Variants in TCF4 observed in about 807,000 individuals in gnomAD.
TCF4 encodes the protein SL3-3 enhancer factor 2.
Under a neutral mutation model 82.1 loss-of-function variants are expected in TCF4, and 3 were observed. That is an observed-to-expected ratio of 0.04 (90% CI 0.02 to 0.09). The LOEUF is 0.09. TCF4 is among the 10% of genes least tolerant of loss of function. The probability of loss-of-function intolerance (pLI) is 1.00; values close to 1 mark genes in which losing one functional copy is unlikely to be tolerated. For missense variants in TCF4, 518 were observed against 852.7 expected, an observed-to-expected ratio of 0.61 and a Z score of 4.89; for synonymous variants, 276 against 309.6, an observed-to-expected ratio of 0.89 and a Z score of 1.14.
chr18:55,414,941 T>C (rs758636768), intron 5 of TCF4, among the ~76,000 whole-genome samples: 3 of 152,258 alleles, frequency 2.0e-5, no homozygotes, highest in Non-Finnish European at 2.9e-5. Context: ...TATACTCATT[T>C]TCCTTGGCAA....
At chr18:55,571,588 A>T (rs2097468407) in intron 3 of TCF4, among the ~76,000 whole-genome samples, 1 of 152,172 alleles carries the variant, frequency 6.6e-6, no homozygotes, top group African/African-American at 2.4e-5. Flanking sequence ...AAGTATTATA[A>T]GATAAAATAT....
chr18:55,384,156 T>A (rs1211532023), intron 6 of TCF4: 2 of 152,142 alleles, frequency 1.3e-5, no homozygotes. Context: ...AGTCTGAGGG[T>A]TGGCAGGCAG....
chr18:55,453,686 A>G (rs2095672290), intron 5 of TCF4, among the ~76,000 whole-genome samples: 1 of 152,154 alleles, frequency 6.6e-6, no homozygotes, highest in African/African-American at 2.4e-5. Context: ...CGGAAAGGAA[A>G]CAAGACCAAT....
At chr18:55,248,157 T>C (rs530877031) in intron 15 of TCF4, among the ~76,000 whole-genome samples, 6 of 152,314 alleles carry the variant, frequency 3.9e-5, no homozygotes, top group East Asian at 3.9e-4. Context: ...AACTGATAAA[T>C]TGATAAAGAT....
intron 11 of TCF4, chr18:55,268,928 G>A (rs2059765302): frequency 6.6e-6 from 1 of 152,184 alleles, no homozygotes; most frequent in African/African-American, 2.4e-5. Flanking sequence ...TGAGAAGTCT[G>A]AGGTTTTAAT....
At chr18:55,540,018 T>C (rs1208432320) in intron 3 of TCF4, among the ~76,000 whole-genome samples, 1 of 151,824 alleles carries the variant, frequency 6.6e-6, no homozygotes, top group African/African-American at 2.4e-5. Context: ...CTCAGAGAGC[T>C]TATATTCTAG....
chr18:55,353,954 T>C (rs1049186464), intron 6 of TCF4, among the ~76,000 whole-genome samples: 3 of 152,214 alleles, frequency 2.0e-5, no homozygotes, highest in Non-Finnish European at 4.4e-5. Flanking sequence ...TTTAGGTTTT[T>C]CACATTGTGC....
intron 3 of TCF4, chr18:55,550,880 A>C (rs1027969432): frequency 2.0e-5 from 3 of 152,202 alleles, no homozygotes; most frequent in African/African-American, 4.8e-5. Context: ...TTCTGAAAGA[A>C]ATGTCCATTC....
At chr18:55,474,125 C>T (rs2096243429) in intron 3 of TCF4, among the ~76,000 whole-genome samples, 1 of 152,126 alleles carries the variant, frequency 6.6e-6, no homozygotes, top group Non-Finnish European at 1.5e-5. Flanking sequence ...AATCTACCTC[C>T]ACATGTATTT....
At chr18:55,323,634 A>G (rs184029844) in intron 8 of TCF4, among the ~76,000 whole-genome samples, 144 of 152,354 alleles carry the variant, frequency 9.5e-4, no homozygotes, top group African/African-American at 3.3e-3. Context: ...TCATTAGAAC[A>G]GTTAGTTGTC....
chr18:55,596,289 A>G lies in TCF4; in HGVS notation c.287-9153T>C, dbSNP rs182953341. The stretch of plus-strand genomic sequence containing the variant: ...TGGCTGTCACTTAAAGCTATGGCAC[A>G]TGTCACTGAGCTGTAAGCAGAAGCT... On this transcript the variant is annotated intron_variant, in intron 2 of 20. Coordinates refer to the TCF4 transcript ENST00000398339. 1,687 of 298,904 alleles carry G rather than the reference A, an allele frequency of 5.6e-3. 30 individuals are homozygous for G. Among genetic ancestry groups the G allele is most frequent in the African/African-American group, 0.036 (1,557 of 43,254 alleles). 18.5% of individuals were successfully genotyped at this position (298,904 alleles called of 1,614,324 possible).
intron 8 of TCF4, among the ~76,000 whole-genome samples, chr18:55,288,217 A>G (rs895391192): frequency 2.0e-5 from 3 of 152,188 alleles, no homozygotes; most frequent in Admixed American, 6.5e-5. Flanking sequence ...TCCCGCAGCC[A>G]TCCCAGTGAC....
At chr18:55,557,969 C>T (rs1005172797) in intron 3 of TCF4, among the ~76,000 whole-genome samples, 4 of 152,172 alleles carry the variant, frequency 2.6e-5, no homozygotes, top group Admixed American at 2.0e-4. Flanking sequence ...CTTGGGGAGA[C>T]CAAGGTGGGA....
chr18:55,332,330 AC>A (rs1309989767), intron 8 of TCF4: 2 of 149,236 alleles, frequency 1.3e-5, no homozygotes, highest in East Asian at 2.0e-4. Context: ...AAAAAAAAAA[AC>A]AGCTTAAAAA....
chr18:55,437,594 A>G (rs2095355924), intron 5 of TCF4, among the ~76,000 whole-genome samples: 1 of 152,232 alleles, frequency 6.6e-6, no homozygotes, highest in South Asian at 2.1e-4. Context: ...AAAAAATAAC[A>G]ATTTTGAAAA....
chr18:55,560,232 T>C (rs985735707), intron 3 of TCF4, among the ~76,000 whole-genome samples: 3 of 152,174 alleles, frequency 2.0e-5, no homozygotes, highest in African/African-American at 4.8e-5. Flanking sequence ...CATGGACATA[T>C]ATGCAGTGCG....
At position 55,461,084 on chromosome 18, in the gene TCF4, A is replaced by C. The variant is rs1266156247; in HGVS notation, c.239T>G (p.Met80Arg). The C allele has an allele frequency of 6.2e-7, 1 of 1,613,368 alleles. No individual in the cohort carries two copies. The highest frequency in any genetic ancestry group is 1.1e-5 in the South Asian group (1 of 91,060). ...ATGTGACCCAAGGTCCCTGCTGGTC[A>C]TGTGGTCATAGGGAGTCCCATCTCC... ...NYGDGTPYDH[M>R]TSRDLGSHDN... Residue 80 changes from methionine to arginine, a missense_variant, in exon 5 of 20, where the codon ATG becomes AGG. By Grantham distance (91) the Met-to-Arg change is moderately conservative. Transcript: ENST00000354452.
chr18:55,380,149 T>G (rs2091632606), intron 6 of TCF4, among the ~76,000 whole-genome samples: 1 of 152,136 alleles, frequency 6.6e-6, no homozygotes, highest in Admixed American at 6.5e-5. Context: ...CCCAAAGTGC[T>G]TGGATTACAG....
chr18:55,551,119 C>CT (rs759605689), intron 3 of TCF4: 5 of 152,012 alleles, frequency 3.3e-5, no homozygotes, highest in Admixed American at 1.3e-4. Flanking sequence ...AATTTTTGTA[C>CT]TTTTAGTAGA....
Sources: allele counts gnomAD v4.1 joint callset (sites outside exome capture counted in the v4.1 genomes callset), GRCh38; gene constraint gnomAD v4.1.1; transcripts MANE v1.5; gene names NCBI Gene and HGNC (gene_info 2026-07-23, HGNC 2026-07-21).